ZMAT4: variants seen among roughly 807,000 people sequenced by gnomAD.
The protein encoded by ZMAT4 is zinc finger matrin-type 4.
Under a neutral mutation model 28.7 loss-of-function variants are expected in ZMAT4, and 17 were observed. The ratio of observed to expected loss-of-function variants is 0.59; its 90% CI spans 0.41 to 0.89. ZMAT4 has a LOEUF of 0.89. Ranked by LOEUF, ZMAT4 falls within the 40% of genes least tolerant of loss-of-function variation. ZMAT4 has a pLI of 0.00. For missense variants in ZMAT4, 240 were observed against 283.8 expected, an observed-to-expected ratio of 0.85 and a Z score of 1.11; for synonymous variants, 117 against 109.2, an observed-to-expected ratio of 1.07 and a Z score of -0.44.
chr8:40,873,387 G>C (rs1817930230), intron 1 of ZMAT4, among the ~76,000 whole-genome samples: 1 of 152,160 alleles, frequency 6.6e-6, no homozygotes, highest in Non-Finnish European at 1.5e-5. Flanking sequence ...CTTTCCTGTG[G>C]CAGGGCAGAT....
chr8:40,891,512 C>T (rs62640287), intron 1 of ZMAT4, among the ~76,000 whole-genome samples: 71,598 of 151,804 alleles, frequency 0.47, 17,004 homozygotes, highest in East Asian at 0.56. Flanking sequence ...GTCTCACACC[C>T]TGGGCTCCCT....
chr8:40,708,804 C>T (rs114822937), intron 3 of ZMAT4, among the ~76,000 whole-genome samples: 2,371 of 151,750 alleles, frequency 0.016, 61 homozygotes, highest in African/African-American at 0.053. Context: ...TGCGCACCAC[C>T]GCGACAGCTA....
At chr8:40,895,915 T>C (rs577698346) in intron 1 of ZMAT4, among the ~76,000 whole-genome samples, 1 of 152,302 alleles carries the variant, frequency 6.6e-6, no homozygotes, top group East Asian at 1.9e-4. Context: ...ACGACGTCCA[T>C]GACTAACCAT....
intron 5 of ZMAT4, among the ~76,000 whole-genome samples, chr8:40,589,604 T>C (rs1386857869): frequency 6.6e-6 from 1 of 152,118 alleles, no homozygotes; most frequent in Non-Finnish European, 1.5e-5. Context: ...CTCCATAGGG[T>C]TTGTAGGAAT....
chr8:40,600,671 A>G (rs1210428566), intron 5 of ZMAT4, among the ~76,000 whole-genome samples: 1 of 152,200 alleles, frequency 6.6e-6, no homozygotes, highest in Non-Finnish European at 1.5e-5. Flanking sequence ...AGGCCTTCTG[A>G]AGGGCTCCAA....
chr8:40,618,616 T>C (rs977423979), intron 5 of ZMAT4, among the ~76,000 whole-genome samples: 2 of 151,614 alleles, frequency 1.3e-5, no homozygotes, highest in Non-Finnish European at 2.9e-5. Context: ...ATTGAAACTA[T>C]GTAGTCATTT....
intron 2 of ZMAT4, among the ~76,000 whole-genome samples, chr8:40,805,617 T>A (rs1373794391): frequency 7.0e-6 from 1 of 141,886 alleles, no homozygotes; most frequent in Non-Finnish European, 1.5e-5. Context: ...CCATAAAAAA[T>A]GATGAGTTCA....
At chr8:40,537,041 A>G (rs1281621250) in intron 6 of ZMAT4, among the ~76,000 whole-genome samples, 2 of 152,210 alleles carry the variant, frequency 1.3e-5, no homozygotes, top group Non-Finnish European at 2.9e-5. Context: ...AGTCATCTAG[A>G]CAAATAAAAT....
intron 6 of ZMAT4, among the ~76,000 whole-genome samples, chr8:40,560,848 G>T (rs1364648097): frequency 1.3e-5 from 2 of 152,088 alleles, no homozygotes; most frequent in African/African-American, 2.4e-5. Flanking sequence ...AAAATAACCT[G>T]TATAATCTAC....
intron 5 of ZMAT4, among the ~76,000 whole-genome samples, chr8:40,610,420 G>T (rs1219839084): frequency 3.9e-5 from 6 of 152,140 alleles, no homozygotes; most frequent in Admixed American, 2.6e-4. Context: ...GCTATGCAGG[G>T]TTGGCAATTC....
At chr8:40,579,138 C>A (rs1804367382) in intron 6 of ZMAT4, among the ~76,000 whole-genome samples, 1 of 152,080 alleles carries the variant, frequency 6.6e-6, no homozygotes, top group African/African-American at 2.4e-5. Flanking sequence ...CAGATTCTAG[C>A]CCATGAAGTT....
At chr8:40,607,915 C>A (rs978977804) in intron 5 of ZMAT4, among the ~76,000 whole-genome samples, 2 of 152,018 alleles carry the variant, frequency 1.3e-5, no homozygotes, top group Admixed American at 6.6e-5. Flanking sequence ...GATACCAGCA[C>A]CCGCTCCAGT....
At chr8:40,881,559 AAAG>A (rs1563263996) in intron 1 of ZMAT4, among the ~76,000 whole-genome samples, 1 of 100,892 alleles carries the variant, frequency 9.9e-6, no homozygotes, top group Non-Finnish European at 2.1e-5. Context: ...AGAAAGAAAG[AAAG>A]AAAGAAAGAA....
In ZMAT4 at chr8:40,862,680, A is replaced by T. The variant is rs373113223; in HGVS notation, c.-5+35003T>A. On this transcript the variant is annotated intron_variant, in intron 1 of 6. Coordinates refer to ENST00000297737, the MANE Select transcript of ZMAT4 (RefSeq NM_024645.3). Reference sequence around the variant, plus strand: ...GTTCATGTCCTTTGTAGGGACATGGATGAAGCTGGAAACCATCATTCTCAG... The same window carrying T: ...GTTCATGTCCTTTGTAGGGACATGGTTGAAGCTGGAAACCATCATTCTCAG... Among the ~76,000 whole-genome samples, 56 of 151,320 alleles carry T rather than the reference A, an allele frequency of 3.7e-4. No homozygotes were observed. The East Asian group carries it at 9.5e-3, about 26-fold the overall frequency.
intron 3 of ZMAT4, among the ~76,000 whole-genome samples, chr8:40,732,660 C>T (rs1361023192): frequency 1.3e-5 from 2 of 152,104 alleles, no homozygotes; most frequent in African/African-American, 2.4e-5. Context: ...CAGGATAAGC[C>T]TTGGAGCAAG....
chr8:40,746,251 CCCTCCCTCCCTCCCT>C (rs1812214567), intron 3 of ZMAT4, among the ~76,000 whole-genome samples: 1 of 39,250 alleles, frequency 2.5e-5, no homozygotes, highest in African/African-American at 7.6e-5. Flanking sequence ...CTCCCTCCCT[CCCTCCCTCCCTCCCT>C]TCCTTCCTTT....
At chr8:40,834,873 C>A (rs1209896472) in intron 1 of ZMAT4, among the ~76,000 whole-genome samples, 9 of 152,164 alleles carry the variant, frequency 5.9e-5, no homozygotes, top group Admixed American at 3.3e-4. Flanking sequence ...AGAGACTCTG[C>A]AAGGCAAGAG....
intron 2 of ZMAT4, among the ~76,000 whole-genome samples, chr8:40,811,333 A>G (rs946733064): frequency 6.6e-6 from 1 of 152,170 alleles, no homozygotes; most frequent in Non-Finnish European, 1.5e-5. Context: ...GGCTGGGTAT[A>G]TTTCCATAGG....
chr8:40,716,283 T>A (rs1321178410), intron 3 of ZMAT4, among the ~76,000 whole-genome samples: 2 of 152,110 alleles, frequency 1.3e-5, no homozygotes, highest in Non-Finnish European at 2.9e-5. Context: ...ACCTGCTGCA[T>A]CAGAAATATG....
Sources: gnomAD v4.1 joint callset for allele counts (sites outside exome capture counted in the v4.1 genomes callset) on GRCh38, gnomAD v4.1.1 for gene constraint, MANE v1.5 for transcripts, NCBI Gene and HGNC (gene_info 2026-07-23, HGNC 2026-07-21) for gene names.